The following GALNTL6 variants were observed in gnomAD, a reference collection of about 807,000 sequenced individuals.
GALNTL6 encodes the protein polypeptide N-acetylgalactosaminyltransferase like 6.
In GALNTL6, 46 loss-of-function variants were observed where a neutral mutation model predicts 73.7. That is an observed-to-expected ratio of 0.62 (90% CI 0.49 to 0.80). GALNTL6 has a LOEUF of 0.80. Ranked by LOEUF, GALNTL6 falls within the 30% of genes least tolerant of loss-of-function variation. The pLI, the probability that GALNTL6 is intolerant of heterozygous loss-of-function variation, is 0.00. For synonymous variants in GALNTL6, 259 were observed against 263.7 expected (o/e 0.98, Z 0.17); for missense variants, 604 against 755.0 (o/e 0.80, Z 2.34).
At chr4:172,610,503 G>A (rs1231720757) in intron 5 of GALNTL6, among the ~76,000 whole-genome samples, 1 of 152,098 alleles carries the variant, frequency 6.6e-6, no homozygotes, top group Non-Finnish European at 1.5e-5. Flanking sequence ...ATAATTTTGA[G>A]TGACCTTCTT....
Position 173,009,895 on chromosome 4 carries a change from T to C in GALNTL6, c.1488+601T>C, listed in dbSNP as rs895673865. Among the ~76,000 whole-genome samples the C allele has an allele frequency of 5.9e-5, 9 of 152,210 alleles. 1 individual carries two copies. The highest frequency in any genetic ancestry group is 5.9e-4 in the Admixed American group (9 of 15,280). ...TATTTTTGGGGGCACATAGTAGGTG[T>C]ATATATGGGGTACATGAAATGTTTT... On this transcript the variant is annotated intron_variant, in intron 11 of 12. Coordinates refer to ENST00000506823, the MANE Select transcript of GALNTL6 (RefSeq NM_001034845.3).
chr4:172,210,128 C>T (rs13146704), intron 2 of GALNTL6, among the ~76,000 whole-genome samples: 61,595 of 151,832 alleles, frequency 0.41, 12,735 homozygotes, highest in African/African-American at 0.45. Context: ...ATTGTTAAAA[C>T]TCCAAGATAA....
chr4:171,820,295 T>C (rs555123075), intron 2 of GALNTL6, among the ~76,000 whole-genome samples: 1 of 152,296 alleles, frequency 6.6e-6, no homozygotes, highest in Non-Finnish European at 1.5e-5. Context: ...AATAAAGGTA[T>C]ATTTAGGGCT....
intron 2 of GALNTL6, among the ~76,000 whole-genome samples, chr4:171,928,012 T>TC (rs1158448663): frequency 3.3e-5 from 5 of 152,174 alleles, no homozygotes; most frequent in African/African-American, 1.2e-4. Flanking sequence ...GTATTCCCAG[T>TC]ATTAAAAAAT....
At chr4:172,208,110 C>T (rs945202106) in intron 2 of GALNTL6, among the ~76,000 whole-genome samples, 5 of 152,096 alleles carry the variant, frequency 3.3e-5, no homozygotes, top group Non-Finnish European at 7.4e-5. Flanking sequence ...CATTTGGAGG[C>T]CATGCAGTGA....
At chr4:172,178,056 T>C (rs1579218955) in intron 2 of GALNTL6, among the ~76,000 whole-genome samples, 1 of 151,762 alleles carries the variant, frequency 6.6e-6, no homozygotes, top group Non-Finnish European at 1.5e-5. Context: ...TGTCACATGG[T>C]GTAATGTAAA....
At chr4:173,000,661 A>G (rs1752006340) in intron 10 of GALNTL6, among the ~76,000 whole-genome samples, 1 of 152,232 alleles carries the variant, frequency 6.6e-6, no homozygotes, top group African/African-American at 2.4e-5. Context: ...AACTTAATAC[A>G]AAGCTACAGT....
At chr4:172,592,419 C>G (rs1204551365) in intron 5 of GALNTL6, among the ~76,000 whole-genome samples, 4 of 152,150 alleles carry the variant, frequency 2.6e-5, no homozygotes, top group Admixed American at 1.3e-4. Context: ...CTACCTCCCA[C>G]CATCCCCACA....
intron 5 of GALNTL6, among the ~76,000 whole-genome samples, chr4:172,650,788 T>C (rs1740442093): frequency 6.6e-6 from 1 of 152,108 alleles, no homozygotes; most frequent in African/African-American, 2.4e-5. Context: ...TAATGAGAAC[T>C]GATCATCAAA....
chr4:172,060,510 A>G (rs1277239851), intron 2 of GALNTL6, among the ~76,000 whole-genome samples: 1 of 152,208 alleles, frequency 6.6e-6, no homozygotes, highest in African/African-American at 2.4e-5. Flanking sequence ...TATCGTAGTC[A>G]ATGATCCCCT....
At chr4:171,903,782 C>A (rs7669819) in intron 2 of GALNTL6, among the ~76,000 whole-genome samples, 5 of 150,964 alleles carry the variant, frequency 3.3e-5, no homozygotes, top group African/African-American at 9.8e-5. Flanking sequence ...TCTCCCAGCA[C>A]GCAGCTGGAG....
intron 2 of GALNTL6, among the ~76,000 whole-genome samples, chr4:171,836,495 G>GA (rs1199612603): frequency 2.0e-5 from 3 of 151,986 alleles, no homozygotes; most frequent in African/African-American, 7.2e-5. Context: ...AAATACAACA[G>GA]AAAAAATATA....
At chr4:172,841,609 G>A (rs1420617455) in intron 7 of GALNTL6, among the ~76,000 whole-genome samples, 1 of 152,184 alleles carries the variant, frequency 6.6e-6, no homozygotes, top group Non-Finnish European at 1.5e-5. Flanking sequence ...AGGGGAAACA[G>A]GCATGTCTTA....
Position 172,952,236 on chromosome 4 carries a change from C to G in GALNTL6, c.1349C>G (p.Pro450Arg). ...CCTAAATACTACCCTCCAGTGGAGC[C>G]CCCGCCTGCTGCCTGGGGGGAGGTG... ...DVPKYYPPVE[P>R]PPAAWGEIRN... Residue 450 changes from proline to arginine, a missense_variant, in exon 10 of 13, where the codon CCC becomes CGC. Physicochemically the swap from Pro to Arg is moderately radical, Grantham distance 103. Around this residue, in one of 5 missense-constraint regions of GALNTL6, gnomAD observed 261 missense variants for 296.5 expected, o/e 0.88. Coordinates refer to ENST00000506823, the MANE Select transcript of GALNTL6 (RefSeq NM_001034845.3). 6.2e-7 allele frequency: 1 copy of G among 1,613,984 alleles called. No homozygotes were observed. Among genetic ancestry groups the G allele is most frequent in the Non-Finnish European group, 8.5e-7 (1 of 1,179,942 alleles).
chr4:172,465,552 TTA>T (rs1394811324), intron 5 of GALNTL6, among the ~76,000 whole-genome samples: 4 of 152,124 alleles, frequency 2.6e-5, no homozygotes, highest in Non-Finnish European at 5.9e-5. Flanking sequence ...TTTTAAAAAT[TTA>T]TGTTTTTATA....
chr4:171,927,551 C>T (rs1221865718), intron 2 of GALNTL6, among the ~76,000 whole-genome samples: 2 of 152,062 alleles, frequency 1.3e-5, no homozygotes, highest in Non-Finnish European at 2.9e-5. Context: ...CACATGCCAA[C>T]CAAAGTTCCT....
chr4:172,563,244 T>C (rs2110930842), intron 5 of GALNTL6, among the ~76,000 whole-genome samples: 1 of 152,274 alleles, frequency 6.6e-6, no homozygotes, highest in East Asian at 1.9e-4. Context: ...CTTTGTTCCT[T>C]TGTGTAGCAG....
intron 10 of GALNTL6, among the ~76,000 whole-genome samples, chr4:172,982,033 G>GC (rs1302057837): frequency 1.3e-5 from 2 of 152,024 alleles, no homozygotes; most frequent in African/African-American, 4.8e-5. Flanking sequence ...GACCTCAGGT[G>GC]ATCTGCCTGC....
intron 2 of GALNTL6, among the ~76,000 whole-genome samples, chr4:171,993,772 A>G (rs1051609985): frequency 6.6e-6 from 1 of 151,846 alleles, no homozygotes; most frequent in Non-Finnish European, 1.5e-5. Flanking sequence ...GGGAGCATGG[A>G]AAACTTGGAG....
Sources: gnomAD v4.1 joint callset for allele counts (sites outside exome capture counted in the v4.1 genomes callset) on GRCh38, gnomAD v4.1.1 for gene constraint, gnomAD v4.1.1 regional missense constraint, MANE v1.5 for transcripts, NCBI Gene and HGNC (gene_info 2026-07-23, HGNC 2026-07-21) for gene names.